The following EYA1 variants were observed in gnomAD, a reference collection of about 807,000 sequenced individuals.
The protein encoded by EYA1 is EYA transcriptional coactivator and phosphatase 1.
In EYA1, 16 loss-of-function variants were observed where a neutral mutation model predicts 82.0. The observed-to-expected ratio is 0.20, with a 90% confidence interval of 0.13 to 0.30. The LOEUF is 0.30. Among genes scored for constraint, EYA1 ranks in the 10% least tolerant of loss-of-function variants. The pLI, the probability that EYA1 is intolerant of heterozygous loss-of-function variation, is 1.00. For synonymous variants in EYA1, 261 were observed against 264.4 expected, an observed-to-expected ratio of 0.99 and a Z score of 0.12; for missense variants, 633 against 730.7, an observed-to-expected ratio of 0.87 and a Z score of 1.54.
At chr8:71,336,892 A>ACATCTGCCTTTGTTCTCTCTAGTCTTT (rs1348950683) in intron 3 of EYA1, among the ~76,000 whole-genome samples, 1 of 152,218 alleles carries the variant, frequency 6.6e-6, no homozygotes, top group East Asian at 1.9e-4. Flanking sequence ...CCTGATGCTA[A>ACATCTGCCTTTGTTCTCTCTAGTCTTT]AGACTGGTGA....
chr8:71,386,070 C>T (rs1362804134), intron 2 of EYA1, among the ~76,000 whole-genome samples: 2 of 152,132 alleles, frequency 1.3e-5, no homozygotes, highest in East Asian at 3.9e-4. Flanking sequence ...TTTCACGCCA[C>T]TTAGGAAAAT....
chr8:71,216,057 TGATA>T (rs1194786082), intron 14 of EYA1, among the ~76,000 whole-genome samples: 1 of 152,080 alleles, frequency 6.6e-6, no homozygotes, highest in Non-Finnish European at 1.5e-5. Context: ...TATTAGGAAA[TGATA>T]GATTCCCTCC....
chr8:71,311,645 G>C (rs912210446), intron 7 of EYA1, among the ~76,000 whole-genome samples: 1 of 152,156 alleles, frequency 6.6e-6, no homozygotes, highest in Non-Finnish European at 1.5e-5. Flanking sequence ...AAATGAATAA[G>C]CAAAGATTTC....
intron 2 of EYA1, among the ~76,000 whole-genome samples, chr8:71,502,866 A>G (rs977578520): frequency 1.1e-4 from 17 of 152,204 alleles, no homozygotes; most frequent in Non-Finnish European, 1.8e-4. Context: ...TTAACTGAGT[A>G]TATCTCATTA....
intron 2 of EYA1, among the ~76,000 whole-genome samples, chr8:71,486,920 T>C (rs1294039787): frequency 7.4e-6 from 1 of 135,878 alleles, no homozygotes; most frequent in African/African-American, 2.7e-5. Context: ...TCCATTTGTG[T>C]GACTTGTGCG....
At chr8:71,290,093 T>C (rs909226563) in intron 9 of EYA1, among the ~76,000 whole-genome samples, 2 of 152,016 alleles carry the variant, frequency 1.3e-5, no homozygotes, top group Non-Finnish European at 2.9e-5. Flanking sequence ...GTTCATGTGT[T>C]ATTATTCAGT....
At chr8:71,414,995 T>G (rs58266060) in intron 2 of EYA1, among the ~76,000 whole-genome samples, 8,163 of 152,276 alleles carry the variant, frequency 0.054, 594 homozygotes, top group African/African-American at 0.17. Context: ...CTGACATATT[T>G]TGGAGCATTG....
rs567933119 is a variant in EYA1, at chr8:71,255,643, A to T, written c.1051-10951T>A. 1.6e-4 allele frequency among the ~76,000 whole-genome samples: 24 copies of T among 152,304 alleles called. 1 individual carries two copies. In the South Asian group the frequency reaches 3.7e-3, roughly 24 times the overall value. On this transcript the variant is annotated intron_variant, in intron 11 of 17. Transcript: ENST00000340726. ...TGAAAGACCTAAAATATAAAATGGT[A>T]TAGGAAAAGCTTCATGACATTGGAT...
chr8:71,337,803 T>G (rs1824668111), intron 3 of EYA1, among the ~76,000 whole-genome samples: 1 of 152,214 alleles, frequency 6.6e-6, no homozygotes, highest in South Asian at 2.1e-4. Context: ...CTTTCTCCTG[T>G]GGAGTAATAC....
At chr8:71,506,618 G>C (rs554814628) in intron 2 of EYA1, among the ~76,000 whole-genome samples, 1 of 152,092 alleles carries the variant, frequency 6.6e-6, no homozygotes, top group African/African-American at 2.4e-5. Context: ...ACTAATCCTA[G>C]AGCTTTCAGA....
At chr8:71,519,614 TC>T (rs1306434379) in intron 2 of EYA1, among the ~76,000 whole-genome samples, 1 of 151,872 alleles carries the variant, frequency 6.6e-6, no homozygotes, top group East Asian at 1.9e-4. Flanking sequence ...ACTAAGTCTT[TC>T]TAAATTAGAG....
At chr8:71,380,687 C>T (rs1397070852) in intron 2 of EYA1, among the ~76,000 whole-genome samples, 1 of 152,228 alleles carries the variant, frequency 6.6e-6, no homozygotes, top group Non-Finnish European at 1.5e-5. Context: ...GTGTAGCCAA[C>T]TAGCTGTCCC....
chr8:71,300,229 T>G (rs917251124), intron 7 of EYA1, among the ~76,000 whole-genome samples: 9 of 152,122 alleles, frequency 5.9e-5, no homozygotes, highest in African/African-American at 2.2e-4. Context: ...CCTGATAAAT[T>G]TGACACAACA....
intron 4 of EYA1, among the ~76,000 whole-genome samples, chr8:71,327,307 A>T (rs1165130623): frequency 6.6e-6 from 1 of 152,234 alleles, no homozygotes; most frequent in African/African-American, 2.4e-5. Flanking sequence ...GAACAATTAA[A>T]AAGAGAAACC....
rs1291465629 is a variant in EYA1 at position 71,316,270 on chromosome 8, A to G, written c.556+1282T>C. ...ATAAAACAATTTACTTAGAAATTCTATACTTAAACTTATTCAAAGGAAATA... is the reference window on the plus strand; with the variant it reads ...ATAAAACAATTTACTTAGAAATTCTGTACTTAAACTTATTCAAAGGAAATA... On this transcript the variant is annotated intron_variant, in intron 7 of 17. Transcript: ENST00000340726. 4.6e-5 allele frequency among the ~76,000 whole-genome samples: 7 copies of G among 152,168 alleles called. No homozygotes were observed. In the East Asian group the frequency reaches 1.2e-3, roughly 25 times the overall value.
intron 2 of EYA1, among the ~76,000 whole-genome samples, chr8:71,492,430 T>A (rs2129226074): frequency 6.6e-6 from 1 of 152,030 alleles, no homozygotes; most frequent in East Asian, 1.9e-4. Flanking sequence ...TGACATCCCC[T>A]GCCCACAGAA....
intron 16 of EYA1, among the ~76,000 whole-genome samples, chr8:71,211,976 T>C (rs2128838324): frequency 6.6e-6 from 1 of 152,316 alleles, no homozygotes; most frequent in South Asian, 2.1e-4. Flanking sequence ...CTTATCTGTC[T>C]ACTATCTTTC....
At position 71,198,714 on chromosome 8, in the gene EYA1, A is replaced by G. The variant is rs557289802; in HGVS notation, c.*626T>C. 1 of 157,858 alleles carries G rather than the reference A, an allele frequency of 6.3e-6. No individual in the cohort carries two copies. The highest frequency in any genetic ancestry group is 1.4e-5 in the Non-Finnish European group (1 of 71,024). 9.8% of individuals were successfully genotyped at this position (157,858 alleles called of 1,614,324 possible). A position where few individuals can be genotyped will look rare whatever the true frequency, so the allele number is the denominator to read the frequency against. On this transcript the variant is annotated 3_prime_UTR_variant, in exon 18 of 18. Transcript: ENST00000340726. ...AATGTGCTAAAATTCAAAGTACTGT[A>G]CTTGCCATGTTGTGAGGCAGAGGCC...
intron 9 of EYA1, among the ~76,000 whole-genome samples, chr8:71,280,287 G>C (rs929784055): frequency 1.1e-4 from 17 of 152,198 alleles, no homozygotes; most frequent in African/African-American, 4.1e-4. Flanking sequence ...CCATTGTCAA[G>C]CCATGCTGTT....
Sources: allele counts gnomAD v4.1 joint callset (sites outside exome capture counted in the v4.1 genomes callset), GRCh38; gene constraint gnomAD v4.1.1; transcripts MANE v1.5; gene names NCBI Gene and HGNC (gene_info 2026-07-23, HGNC 2026-07-21).